Variants in TOGARAM1 observed in about 807,000 individuals in gnomAD.
TOGARAM1 encodes TOG array regulator of axonemal microtubules protein 1.
In TOGARAM1, 100 loss-of-function variants were observed where a neutral mutation model predicts 166.6. The ratio of observed to expected loss-of-function variants is 0.60; its 90% confidence interval spans 0.51 to 0.71. The LOEUF is 0.71. TOGARAM1 is among the 30% of genes least tolerant of loss of function. The pLI, the probability that TOGARAM1 is intolerant of heterozygous loss-of-function variation, is 0.00. For missense variants in TOGARAM1, 2,029 were observed against 2,102.7 expected (o/e 0.96, Z 0.69); for synonymous variants, 758 against 763.8 (o/e 0.99, Z 0.13).
chr14:44,967,221 C>T (rs980747092), intron 1 of TOGARAM1, among the ~76,000 whole-genome samples: 3 of 151,988 alleles, frequency 2.0e-5, no homozygotes, highest in Non-Finnish European at 4.4e-5. Flanking sequence ...ATATTAATAC[C>T]TCCAATTCAA....
At chr14:44,993,061 G>A (rs372664128) in intron 1 of TOGARAM1, among the ~76,000 whole-genome samples, 2 of 151,488 alleles carry the variant, frequency 1.3e-5, no homozygotes, top group South Asian at 2.1e-4. Flanking sequence ...TTGACGGTTC[G>A]AGCTCAGCCT....
chr14:45,040,179 T>G (rs1400467117), intron 11 of TOGARAM1, among the ~76,000 whole-genome samples: 3 of 152,202 alleles, frequency 2.0e-5, no homozygotes, highest in Non-Finnish European at 4.4e-5. Context: ...ATTTAGAAAC[T>G]AAGTAACACA....
chr14:44,979,350 G>C (rs778239241), intron 1 of TOGARAM1, among the ~76,000 whole-genome samples: 6 of 152,114 alleles, frequency 3.9e-5, no homozygotes, highest in Non-Finnish European at 8.8e-5. Flanking sequence ...AAGGCTCTCT[G>C]CTTCATAGAC....
At chr14:45,061,207 A>G (rs1365564031) in intron 16 of TOGARAM1, among the ~76,000 whole-genome samples, 1 of 152,222 alleles carries the variant, frequency 6.6e-6, no homozygotes, top group Non-Finnish European at 1.5e-5. Context: ...GGTATAATCA[A>G]TCGAATACTG....
At chr14:45,012,831 A>G (rs150537932) in intron 7 of TOGARAM1, among the ~76,000 whole-genome samples, 84 of 152,280 alleles carry the variant, frequency 5.5e-4, no homozygotes, top group African/African-American at 1.9e-3. Context: ...TCTTGCTCTT[A>G]AATGTGTCTT....
chr14:44,982,365 T>G (rs1886583533), intron 1 of TOGARAM1, among the ~76,000 whole-genome samples: 1 of 152,186 alleles, frequency 6.6e-6, no homozygotes, highest in Non-Finnish European at 1.5e-5. Context: ...CATCTCTTTC[T>G]ATGTATTTAG....
intron 12 of TOGARAM1, 115 bp from the exon 13 acceptor site, chr14:45,044,520 G>T (rs181555221): frequency 2.8e-6 from 2 of 716,684 alleles, no homozygotes; most frequent in Non-Finnish European, 4.4e-6. Context: ...CAGCCTGGTC[G>T]ACAGAGCGAG....
intron 1 of TOGARAM1, among the ~76,000 whole-genome samples, chr14:44,980,716 C>T (rs992669119): frequency 6.6e-6 from 1 of 152,172 alleles, no homozygotes; most frequent in Non-Finnish European, 1.5e-5. Context: ...AATATGATTA[C>T]AAGAGTGAGG....
At chr14:45,045,800 T>G (rs1251650124) in intron 13 of TOGARAM1, among the ~76,000 whole-genome samples, 1 of 148,814 alleles carries the variant, frequency 6.7e-6, no homozygotes, top group Non-Finnish European at 1.5e-5. Flanking sequence ...GATTAGTCAG[T>G]GGGCACTTAG....
At chr14:44,974,547 C>T (rs1886076160) in intron 1 of TOGARAM1, among the ~76,000 whole-genome samples, 1 of 152,110 alleles carries the variant, frequency 6.6e-6, no homozygotes, top group African/African-American at 2.4e-5. Flanking sequence ...TTCCCTTTTA[C>T]TGTGCCTTAT....
At position 45,068,417 on chromosome 14, in the gene TOGARAM1, T is replaced by G; in HGVS notation, c.4750-7T>G. The G allele has an allele frequency of 6.3e-7, 1 of 1,584,616 alleles. No homozygotes were observed. Among genetic ancestry groups the G allele is most frequent in the Non-Finnish European group, 8.6e-7 (1 of 1,161,250 alleles). On this transcript the variant is annotated splice_region_variant and splice_polypyrimidine_tract_variant and intron_variant, in intron 17 of 19. Transcript: ENST00000361462. ...TTACTTTAAATAATTTACCAATTTA[T>G]TTTCAGATTTTTGATGCTTTTAAAT...
chr14:45,036,908 C>T (rs1881463337), intron 11 of TOGARAM1, among the ~76,000 whole-genome samples: 1 of 152,112 alleles, frequency 6.6e-6, no homozygotes, highest in South Asian at 2.1e-4. Context: ...CTGGGGAGGC[C>T]TCAGAATCAT....
intron 10 of TOGARAM1, among the ~76,000 whole-genome samples, chr14:45,028,730 A>G (rs17115763): frequency 0.012 from 1,823 of 152,288 alleles, 30 homozygotes; most frequent in African/African-American, 0.04. Flanking sequence ...CTTGGTCAAG[A>G]GTAGGCTCTA....
chr14:45,015,648 G>T (rs1034143193), intron 7 of TOGARAM1, among the ~76,000 whole-genome samples: 8 of 151,448 alleles, frequency 5.3e-5, no homozygotes, highest in Non-Finnish European at 8.8e-5. Flanking sequence ...ACTGTGCGGA[G>T]CCCTTTATAT....
intron 11 of TOGARAM1, among the ~76,000 whole-genome samples, chr14:45,037,953 G>A (rs1279362247): frequency 6.6e-6 from 1 of 151,948 alleles, no homozygotes; most frequent in African/African-American, 2.4e-5. Flanking sequence ...AGGAGTCAGA[G>A]GTTATAGTGA....
intron 7 of TOGARAM1, among the ~76,000 whole-genome samples, chr14:45,020,648 G>A (rs193228324): frequency 1.2e-3 from 177 of 152,284 alleles, no homozygotes; most frequent in Non-Finnish European, 2.3e-3. Context: ...CATAGATTCC[G>A]AAAAGCCATT....
At chr14:45,012,152 T>A in intron 7 of TOGARAM1, 77 bp downstream of exon 7, 1 of 961,034 alleles carries the variant, frequency 1.0e-6, no homozygotes, top group Non-Finnish European at 1.5e-6. Flanking sequence ...GCAAGTGCAT[T>A]TCAGATTTCA....
In TOGARAM1 at chr14:45,070,600, A is replaced by G. The variant is rs145201870; in HGVS notation, c.4970-1112A>G. On this transcript the variant is annotated intron_variant, in intron 18 of 19. Transcript: ENST00000361462. Reference sequence around the variant, plus strand: ...TTTGTAAGAATACAGTATATAATACATATAACATCCAAAATATGTGTTCAT... The same window carrying G: ...TTTGTAAGAATACAGTATATAATACGTATAACATCCAAAATATGTGTTCAT... Among the ~76,000 whole-genome samples, 138 of 152,340 alleles carry G rather than the reference A, an allele frequency of 9.1e-4. No homozygotes were observed. The East Asian group carries it at 0.022, about 24-fold the overall frequency.
rs527590331 is a variant in TOGARAM1 at position 45,017,848 on chromosome 14, G to A, written c.3238+5773G>A. 3.4e-5 allele frequency among the ~76,000 whole-genome samples: 5 copies of A among 148,710 alleles called. 1 individual carries two copies. The highest frequency in any genetic ancestry group is 1.3e-4 in the Admixed American group (2 of 15,208). On this transcript the variant is annotated intron_variant, in intron 7 of 19. Transcript: ENST00000361462. ...TGCAGTGAGCCGAGATGGCGCCACT[G>A]CACTCCTGGGTGACAAGTGAAACTC...
Sources: gnomAD v4.1 joint callset for allele counts (sites outside exome capture counted in the v4.1 genomes callset) on GRCh38, gnomAD v4.1.1 for gene constraint, MANE v1.5 for transcripts, NCBI Gene and HGNC (gene_info 2026-07-23, HGNC 2026-07-21) for gene names.